Variants in ADGRB3 observed in about 807,000 individuals in gnomAD.
The protein encoded by ADGRB3 is brain-specific angiogenesis inhibitor 3.
A neutral mutation model predicts 193.4 loss-of-function variants in ADGRB3; 37 were observed. The ratio of observed to expected loss-of-function variants is 0.19; its 90% CI spans 0.15 to 0.25. The LOEUF (loss-of-function observed/expected upper bound fraction) is 0.25. Among genes scored for constraint, ADGRB3 ranks in the 10% least tolerant of loss-of-function variants. The pLI, the probability that ADGRB3 is intolerant of heterozygous loss-of-function variation, is 1.00. For missense variants in ADGRB3, 1,637 were observed against 1,852.9 expected, an observed-to-expected ratio of 0.88 and a Z score of 2.14; for synonymous variants, 690 against 644.2, an observed-to-expected ratio of 1.07 and a Z score of -1.08.
chr6:69,312,462 A>G (rs925924771), intron 20 of ADGRB3, among the ~76,000 whole-genome samples: 1 of 151,738 alleles, frequency 6.6e-6, no homozygotes, highest in Non-Finnish European at 1.5e-5. Flanking sequence ...AACCAATCTC[A>G]GGGTTGATTG....
At position 69,211,922 on chromosome 6, in the gene ADGRB3, G is replaced by T. The variant is rs372928849; in HGVS notation, c.2481-21368G>T. ...GTATTTTACATAGTCTAGCATTTTTGATTATAAAATAAATGCTTAGATATT... is the reference window on the plus strand; with the variant it reads ...GTATTTTACATAGTCTAGCATTTTTTATTATAAAATAAATGCTTAGATATT... On this transcript the variant is annotated intron_variant, in intron 17 of 31. Coordinates refer to ENST00000370598, the MANE Select transcript of ADGRB3 (RefSeq NM_001704.3). 8.5e-5 allele frequency among the ~76,000 whole-genome samples: 13 copies of T among 152,198 alleles called. No individual in the cohort carries two copies. In the South Asian group the frequency reaches 1.5e-3, roughly 17 times the overall value.
intron 17 of ADGRB3, among the ~76,000 whole-genome samples, chr6:69,172,665 A>G (rs1775308455): frequency 1.4e-5 from 2 of 138,816 alleles, no homozygotes; most frequent in Admixed American, 7.0e-5. Context: ...AAAAAAAAAA[A>G]AAAAAAAGAG....
intron 19 of ADGRB3, 145 bp from the exon 20 acceptor site, chr6:69,238,979 A>G: frequency 2.4e-6 from 1 of 415,846 alleles, no homozygotes; most frequent in South Asian, 7.3e-5. Context: ...TATTTTAGAA[A>G]CTATTTTTAT....
chr6:69,199,166 T>A (rs1765367810), intron 17 of ADGRB3, among the ~76,000 whole-genome samples: 2 of 152,176 alleles, frequency 1.3e-5, no homozygotes. Flanking sequence ...CCCTCACTTT[T>A]CTTTTTCATT....
At chr6:69,279,227 TTA>T (rs201005101) in intron 20 of ADGRB3, among the ~76,000 whole-genome samples, 14,945 of 150,932 alleles carry the variant, frequency 0.099, 833 homozygotes, top group African/African-American at 0.11. Context: ...ACATCATAGC[TTA>T]ACCTAGCCTA....
chr6:69,340,516 G>C (rs79613442), intron 26 of ADGRB3, among the ~76,000 whole-genome samples: 1 of 152,078 alleles, frequency 6.6e-6, no homozygotes, highest in Non-Finnish European at 1.5e-5. Context: ...ACACATGTAC[G>C]TATGAGTATA....
intron 20 of ADGRB3, among the ~76,000 whole-genome samples, chr6:69,251,650 T>C (rs1766624141): frequency 6.6e-6 from 1 of 152,166 alleles, no homozygotes; most frequent in African/African-American, 2.4e-5. Flanking sequence ...TAAAGTATAG[T>C]TAACAAAAAA....
intron 10 of ADGRB3, among the ~76,000 whole-genome samples, chr6:68,985,389 A>G (rs1769040167): frequency 6.6e-6 from 1 of 152,186 alleles, no homozygotes; most frequent in Admixed American, 6.6e-5. Context: ...GAATCAATCC[A>G]TTGGCATTAG....
At position 68,914,337 on chromosome 6, in the gene ADGRB3, C is replaced by T. The variant is rs531555460; in HGVS notation, c.758-16222C>T. ...AAAGGGAAGCCCATCAGACTAACAG[C>T]GGATCTCTCGGCAGAAACTCTACAA... On this transcript the variant is annotated intron_variant, in intron 3 of 31. Transcript: ENST00000370598. Among the ~76,000 whole-genome samples the T allele has an allele frequency of 7.9e-4, 120 of 152,176 alleles. 1 individual carries two copies. The highest frequency in any genetic ancestry group is 1.3e-3 in the Non-Finnish European group (91 of 67,996).
Position 68,755,612 on chromosome 6 carries a change from A to T in ADGRB3, c.757+116180A>T, listed in dbSNP as rs540311167. ...GAAGGTGAACAATAAAAATGAATCA[A>T]GATGATGAGAGTTTGAAGGGAGTCA... On this transcript the variant is annotated intron_variant, in intron 3 of 31. Coordinates refer to ENST00000370598, the MANE Select transcript of ADGRB3 (RefSeq NM_001704.3). Among the ~76,000 whole-genome samples, 6 of 152,324 alleles carry T rather than the reference A, an allele frequency of 3.9e-5. No individual in the cohort carries two copies. In the South Asian group the frequency reaches 6.2e-4, roughly 16 times the overall value.
chr6:68,765,294 T>G (rs751566614), intron 3 of ADGRB3, among the ~76,000 whole-genome samples: 9 of 152,288 alleles, frequency 5.9e-5, no homozygotes, highest in Admixed American at 1.3e-4. Context: ...GATGTTTATT[T>G]CAGGTCTGTC....
intron 20 of ADGRB3, among the ~76,000 whole-genome samples, chr6:69,282,684 G>A (rs572321688): frequency 6.6e-6 from 1 of 152,256 alleles, no homozygotes; most frequent in Non-Finnish European, 1.5e-5. Context: ...TATTTATTGG[G>A]TGACTATAAG....
chr6:69,225,166 C>T (rs1765982554), intron 17 of ADGRB3, among the ~76,000 whole-genome samples: 1 of 152,092 alleles, frequency 6.6e-6, no homozygotes, highest in African/African-American at 2.4e-5. Flanking sequence ...TTGATAAACT[C>T]TTTGATATCA....
At chr6:69,131,231 G>T (rs982543996) in intron 17 of ADGRB3, among the ~76,000 whole-genome samples, 4 of 152,008 alleles carry the variant, frequency 2.6e-5, no homozygotes, top group African/African-American at 9.7e-5. Context: ...GCTAATATTG[G>T]AAATTGTCTT....
intron 3 of ADGRB3, among the ~76,000 whole-genome samples, chr6:68,911,204 G>A (rs867425348): frequency 1.3e-5 from 2 of 148,166 alleles, no homozygotes; most frequent in Admixed American, 6.9e-5. Context: ...ATTCATAGGT[G>A]GGAATTGAAC....
At chr6:68,791,728 A>G (rs1767111209) in intron 3 of ADGRB3, among the ~76,000 whole-genome samples, 1 of 152,224 alleles carries the variant, frequency 6.6e-6, no homozygotes, top group Non-Finnish European at 1.5e-5. Flanking sequence ...TATAATCCAC[A>G]AGAGATGTTG....
intron 3 of ADGRB3, among the ~76,000 whole-genome samples, chr6:68,724,422 C>A (rs1765637959): frequency 6.6e-6 from 1 of 151,484 alleles, no homozygotes; most frequent in African/African-American, 2.4e-5. Flanking sequence ...GTTTATTGTC[C>A]TAGGAAGAAA....
intron 13 of ADGRB3, among the ~76,000 whole-genome samples, chr6:69,040,707 A>AAAAAAAAAAAAAAAAAT (rs1771038176): frequency 1.7e-5 from 1 of 60,394 alleles, no homozygotes; most frequent in African/African-American, 6.8e-5. Context: ...AAAAAAAAAA[A>AAAAAAAAAAAAAAAAAT]AACAAACAAG....
At chr6:68,933,270 C>G (rs548091397) in intron 4 of ADGRB3, among the ~76,000 whole-genome samples, 7 of 152,034 alleles carry the variant, frequency 4.6e-5, no homozygotes, top group Non-Finnish European at 1.0e-4. Flanking sequence ...TAAATTTGGA[C>G]TATGTAGCAT....
Sources: allele counts gnomAD v4.1 joint callset (sites outside exome capture counted in the v4.1 genomes callset), GRCh38; gene constraint gnomAD v4.1.1; transcripts MANE v1.5; gene names NCBI Gene and HGNC (gene_info 2026-07-23, HGNC 2026-07-21).